SLC27A6: variants seen among roughly 807,000 people sequenced by gnomAD.
SLC27A6 encodes the protein solute carrier family 27 member 6.
Under a neutral mutation model 63.9 loss-of-function variants are expected in SLC27A6, and 74 were observed. That is an observed-to-expected ratio of 1.16 (90% CI 0.96 to 1.40). SLC27A6 has a LOEUF of 1.40. Ranked by LOEUF, SLC27A6 falls within the 40% of genes most tolerant of loss-of-function variation. The probability of loss-of-function intolerance (pLI) is 0.00; values close to 1 mark genes in which losing one functional copy is unlikely to be tolerated. For synonymous variants in SLC27A6, 287 were observed against 260.8 expected, an observed-to-expected ratio of 1.10 and a Z score of -0.97; for missense variants, 794 against 732.9, an observed-to-expected ratio of 1.08 and a Z score of -0.96.
chr5:128,966,734 G>A, intron 1 of SLC27A6, 116 bp downstream of exon 1: 1 of 1,046,514 alleles, frequency 9.6e-7, no homozygotes, highest in Non-Finnish European at 1.3e-6. Flanking sequence ...AAGTGTGCAT[G>A]TTAAGAGTAC....
chr5:129,010,109 C>T (rs898011422), intron 4 of SLC27A6, among the ~76,000 whole-genome samples: 3 of 152,148 alleles, frequency 2.0e-5, no homozygotes, highest in African/African-American at 7.2e-5. Flanking sequence ...TCTGATTTCT[C>T]CCAGTATAAA....
chr5:128,989,344 A>G (rs932185529), intron 3 of SLC27A6, among the ~76,000 whole-genome samples: 2 of 152,196 alleles, frequency 1.3e-5, no homozygotes, highest in African/African-American at 2.4e-5. Context: ...GTGACTCAGT[A>G]GATTCCATTC....
At chr5:128,983,307 T>TTTTTG (rs4068584) in intron 1 of SLC27A6, among the ~76,000 whole-genome samples, 1 of 150,512 alleles carries the variant, frequency 6.6e-6, no homozygotes, top group Non-Finnish European at 1.5e-5. Flanking sequence ...TTTTTTTTTT[T>TTTTTG]TTGAGACAGA....
At chr5:128,980,573 A>G (rs1198524274) in intron 1 of SLC27A6, among the ~76,000 whole-genome samples, 1 of 152,106 alleles carries the variant, frequency 6.6e-6, no homozygotes, top group African/African-American at 2.4e-5. Context: ...TTAATCATCA[A>G]TTTTCTTAGA....
At chr5:128,978,085 A>G (rs1424978448) in intron 1 of SLC27A6, among the ~76,000 whole-genome samples, 1 of 152,242 alleles carries the variant, frequency 6.6e-6, no homozygotes, top group African/African-American at 2.4e-5. Context: ...AAAAATACAC[A>G]GATATAAGAC....
intron 1 of SLC27A6, among the ~76,000 whole-genome samples, chr5:128,970,009 C>T (rs1750076257): frequency 6.6e-6 from 1 of 152,066 alleles, no homozygotes; most frequent in African/African-American, 2.4e-5. Flanking sequence ...TTTTCTGCAT[C>T]TATTGAGATA....
At position 129,025,971 on chromosome 5, in the gene SLC27A6, CA is replaced by C. The variant is rs569295847; in HGVS notation, c.1256-1155del. 1.2e-4 allele frequency among the ~76,000 whole-genome samples: 18 copies of C among 152,028 alleles called. No homozygotes were observed. In the East Asian group the frequency reaches 3.5e-3, roughly 30 times the overall value. ...GCAACCTGGTGAGACCTCGTGTCTA[CA>C]AAAAAATTACAAAATTAGCTGGGCC... On this transcript the variant is annotated intron_variant, in intron 6 of 9. Coordinates refer to ENST00000262462, the MANE Select transcript of SLC27A6 (RefSeq NM_001017372.3).
intron 5 of SLC27A6, among the ~76,000 whole-genome samples, chr5:129,016,491 T>A (rs1357604486): frequency 6.6e-6 from 1 of 151,354 alleles, no homozygotes; most frequent in Non-Finnish European, 1.5e-5. Flanking sequence ...TATCACCTTT[T>A]TTTTTTTTTA....
chr5:128,970,510 T>C (rs1478160734), intron 1 of SLC27A6, among the ~76,000 whole-genome samples: 1 of 152,224 alleles, frequency 6.6e-6, no homozygotes, highest in Admixed American at 6.5e-5. Flanking sequence ...TCCAGGAATT[T>C]ATCCATTTTT....
Position 128,966,443 on chromosome 5 carries a change from G to A in SLC27A6, c.306G>A (p.Leu102=). Residue 102 remains leucine (L), a synonymous_variant, in exon 1 of 10, where the codon CTG becomes CTA. Coordinates refer to ENST00000262462, the MANE Select transcript of SLC27A6 (RefSeq NM_001017372.3). The part of the protein sequence containing the change: ...VAHVFLNHSS[L]KKGDTVALLM... ...ATGTCTTCCTGAACCATTCCTCTCT[G>A]AAAAAGGGGGACACGGTGGCTCTGC... is the stretch of plus-strand genomic sequence containing the variant. 1 of 1,604,926 alleles carries A rather than the reference G, an allele frequency of 6.2e-7. No individual in the cohort carries two copies. Among genetic ancestry groups the A allele is most frequent in the Non-Finnish European group, 8.5e-7 (1 of 1,176,338 alleles).
chr5:128,990,494 T>C, intron 4 of SLC27A6, 30 bp downstream of exon 4: 4 of 1,579,262 alleles, frequency 2.5e-6, no homozygotes. Context: ...GAAAAAAATA[T>C]GTCAGAAAGA....
chr5:128,981,777 T>A (rs1006413069), intron 1 of SLC27A6, among the ~76,000 whole-genome samples: 4 of 151,586 alleles, frequency 2.6e-5, no homozygotes, highest in African/African-American at 9.7e-5. Flanking sequence ...GAATTTACTG[T>A]TAAAGGACAT....
At chr5:128,978,406 A>G (rs1039332708) in intron 1 of SLC27A6, among the ~76,000 whole-genome samples, 12 of 152,174 alleles carry the variant, frequency 7.9e-5, no homozygotes, top group African/African-American at 2.9e-4. Flanking sequence ...ATAGCACTTT[A>G]CCTGTCTCCC....
At position 129,027,215 on chromosome 5, in the gene SLC27A6, C is replaced by T. The variant is rs749633287; in HGVS notation, c.1338C>T (p.Asp446=). 6.2e-7 allele frequency: 1 copy of T among 1,613,342 alleles called. No individual in the cohort carries two copies. The highest frequency in any genetic ancestry group is 1.1e-5 in the South Asian group (1 of 91,084). ...GYAGPYKHTK[D]KLLCDVFKKG... ...CTGGGCCTTATAAGCACACAAAAGA[C>T]AAATTGCTTTGTGATGTTTTTAAGA... The change falls in exon 7 of 10, where the codon GAC becomes GAT. Residue 446 remains aspartate, a synonymous_variant. Coordinates refer to ENST00000262462, the MANE Select transcript of SLC27A6 (RefSeq NM_001017372.3).
Position 128,988,448 on chromosome 5 carries a change from C to G in SLC27A6, c.686-152C>G, listed in dbSNP as rs1750864613. On this transcript the variant is annotated intron_variant, in intron 2 of 9. Transcript: ENST00000262462. ...TGGCCTCTTTTACAAAGCAGATAGACTACTTTGATATATTTTCTGTCAATT... is the reference window on the plus strand; with the variant it reads ...TGGCCTCTTTTACAAAGCAGATAGAGTACTTTGATATATTTTCTGTCAATT... The G allele has an allele frequency of 5.1e-6, 3 of 587,420 alleles. No homozygotes were observed. The South Asian group carries it at 8.3e-5, about 16-fold the overall frequency. 36.4% of individuals were successfully genotyped at this position (587,420 alleles called of 1,614,324 possible). A position where few individuals can be genotyped will look rare whatever the true frequency, so the allele number is the denominator to read the frequency against.
intron 5 of SLC27A6, among the ~76,000 whole-genome samples, chr5:129,018,765 T>C (rs1290606644): frequency 6.6e-6 from 1 of 152,100 alleles, no homozygotes; most frequent in African/African-American, 2.4e-5. Flanking sequence ...CTGTCAACTG[T>C]AATAACGTCA....
At chr5:128,983,352 G>T (rs2150133247) in intron 1 of SLC27A6, among the ~76,000 whole-genome samples, 1 of 129,722 alleles carries the variant, frequency 7.7e-6, no homozygotes, top group African/African-American at 2.8e-5. Flanking sequence ...GAGTACAATG[G>T]CGTGATCTCG....
intron 4 of SLC27A6, 83 bp downstream of exon 4, chr5:128,990,547 A>G (rs1436407752): frequency 7.4e-7 from 1 of 1,351,204 alleles, no homozygotes; most frequent in African/African-American, 1.5e-5. Flanking sequence ...TTCTTTGTTT[A>G]TACTCTACCT....
intron 1 of SLC27A6, among the ~76,000 whole-genome samples, chr5:128,983,604 C>G (rs1750689859): frequency 6.6e-6 from 1 of 151,970 alleles, no homozygotes; most frequent in African/African-American, 2.4e-5. Context: ...CAATCTGTAT[C>G]TATTTTACAT....
Sources: gnomAD v4.1 joint callset for allele counts (sites outside exome capture counted in the v4.1 genomes callset) on GRCh38, gnomAD v4.1.1 for gene constraint, MANE v1.5 for transcripts, NCBI Gene and HGNC (gene_info 2026-07-23, HGNC 2026-07-21) for gene names.